SLC38A5: variants seen among roughly 807,000 people sequenced by gnomAD.
SLC38A5 encodes sodium-coupled neutral amino acid transporter 5.
In SLC38A5, 9 loss-of-function variants were observed where a neutral mutation model predicts 34.6. The ratio of observed to expected loss-of-function variants is 0.26; its 90% CI spans 0.16 to 0.45. The LOEUF (loss-of-function observed/expected upper bound fraction) is 0.45, where lower values mean the gene tolerates loss of function less well. Ranked by LOEUF, SLC38A5 falls within the 20% of genes least tolerant of loss-of-function variation. SLC38A5 has a pLI of 1.00. For synonymous variants in SLC38A5, 157 were observed against 155.6 expected, an observed-to-expected ratio of 1.01 and a Z score of -0.07; for missense variants, 253 against 394.7, an observed-to-expected ratio of 0.64 and a Z score of 3.04.
intron 12 of SLC38A5, 120 bp from the exon 13 acceptor site, chrX:48,461,206 C>T (rs2061431821): frequency 1.8e-6 from 1 of 568,687 alleles, no homozygotes; most frequent in African/African-American, 2.2e-5. Context: ...AGCTGGCACA[C>T]ATGGGGACAC....
At chrX:48,466,606 G>A (rs1270200983) in intron 6 of SLC38A5, among the ~76,000 whole-genome samples, 193 bp downstream of exon 6, 34 of 107,714 alleles carry the variant, frequency 3.2e-4, no homozygotes, top group Non-Finnish European at 4.6e-4. Context: ...GGACTGAGGG[G>A]TGGGGGTTAG....
At position 48,466,243 on chromosome X, in the gene SLC38A5, C is replaced by A; in HGVS notation, c.399G>T (p.Leu133=). The A allele has an allele frequency of 8.3e-7, 1 of 1,206,439 alleles. No homozygotes were observed. Among genetic ancestry groups the A allele is most frequent in the African/African-American group, 1.7e-5 (1 of 57,563 alleles). Residue 133 remains leucine, a synonymous_variant, in exon 7 of 17, where the codon CTG becomes CTT. Coordinates refer to ENST00000620913, the MANE Select transcript of SLC38A5 (RefSeq NM_033518.4). The stretch of plus-strand genomic sequence containing the variant: ...CAGAGTCCTCACCCCCAACATTGTG[C>A]AGACAGATGACTGTGGCCACCACTA... The part of the protein sequence containing the change: ...GKVVVATVIC[L]HNVGAMSSYL...
At chrX:48,460,608 C>T in intron 14 of SLC38A5, 41 bp downstream of exon 14, 1 of 1,162,457 alleles carries the variant, frequency 8.6e-7, no homozygotes, top group Non-Finnish European at 1.2e-6. Context: ...ATGCCCTCTA[C>T]CCATCCATCC....
Position 48,467,853 on chromosome X carries a change from C to T in SLC38A5, c.53+19G>A. On this transcript the variant is annotated intron_variant, in intron 3 of 16. Transcript: ENST00000620913. ...TGACCCCTGATCCCTGAGCCCACCT[C>T]CTTGGACCCCTGACTCACCCCACAG... 8.3e-7 allele frequency: 1 copy of T among 1,207,128 alleles called. No homozygotes were observed.
At chrX:48,460,787 C>T (rs1248562444) in intron 13 of SLC38A5, 23 bp from the exon 14 acceptor site, 5 of 1,187,089 alleles carry the variant, frequency 4.2e-6, no homozygotes, top group Middle Eastern at 2.3e-4. Context: ...ACAGAGGGTA[C>T]GGGATGCAGG....
At chrX:48,466,703 T>C in intron 6 of SLC38A5, 96 bp downstream of exon 6, 3 of 971,409 alleles carry the variant, frequency 3.1e-6, no homozygotes, top group Non-Finnish European at 4.3e-6. Context: ...GTCTGGGGTC[T>C]GGGGTCCAAG....
rs1602038446 is a variant in SLC38A5, at chrX:48,469,421, T to C, written c.-88A>G. The C allele has an allele frequency of 9.4e-6, 1 of 106,878 alleles. No individual in the cohort carries two copies. Among genetic ancestry groups the C allele is most frequent in the Non-Finnish European group, 1.9e-5 (1 of 52,780 alleles). The allele number at this position is 106,878 out of a possible 1,213,427, so 8.8% of individuals were successfully genotyped here. A position where few individuals can be genotyped will look rare whatever the true frequency, so the allele number is the denominator to read the frequency against. On this transcript the variant is annotated 5_prime_UTR_variant, in exon 2 of 17. Coordinates refer to ENST00000620913, the MANE Select transcript of SLC38A5 (RefSeq NM_033518.4). ...TGCCTAGGCTCCTGCTCTGGAGCGGTACTTTTTTTTTTTTCCTGAGAAGAA... is the reference window on the plus strand; with the variant it reads ...TGCCTAGGCTCCTGCTCTGGAGCGGCACTTTTTTTTTTTTCCTGAGAAGAA...
At chrX:48,466,193 T>TGC in intron 7 of SLC38A5, 37 bp downstream of exon 7, 1 of 895,219 alleles carries the variant, frequency 1.1e-6, no homozygotes, top group Non-Finnish European at 1.6e-6. Context: ...CTCCGCCCTC[T>TGC]CCCCCCAAGC....
In SLC38A5 at chrX:48,462,150, G is replaced by A; in HGVS notation, c.634-6C>T. The stretch of plus-strand genomic sequence containing the variant: ...TGGAACTTCTTGTAGATGACCTGAG[G>A]ATGGGGGCAGCAGGGAAGCCAGGTC... On this transcript the variant is annotated splice_region_variant and splice_polypyrimidine_tract_variant and intron_variant, in intron 10 of 16. Transcript: ENST00000620913. The A allele has an allele frequency of 8.3e-7, 1 of 1,209,039 alleles. No individual in the cohort carries two copies. Among genetic ancestry groups the A allele is most frequent in the Non-Finnish European group, 1.1e-6 (1 of 893,589 alleles).
Position 48,461,103 on chromosome X carries a change from G to A in SLC38A5, c.852-17C>T, listed in dbSNP as rs782805749. 2.8e-5 allele frequency: 33 copies of A among 1,181,738 alleles called. No individual in the cohort carries two copies. In the East Asian group the frequency reaches 4.8e-4, roughly 17 times the overall value. On this transcript the variant is annotated splice_polypyrimidine_tract_variant and intron_variant, in intron 12 of 16. Coordinates refer to ENST00000620913, the MANE Select transcript of SLC38A5 (RefSeq NM_033518.4). Reference sequence around the variant, plus strand: ...TTGGAGGGCCTGAGGTGTAGAGGTCGTGGAACTGTCATGCCCAGACCCTGA... The same window carrying A: ...TTGGAGGGCCTGAGGTGTAGAGGTCATGGAACTGTCATGCCCAGACCCTGA...
chrX:48,465,107 C>T lies in SLC38A5; in HGVS notation c.491+908G>A, dbSNP rs781967170. 4.5e-5 allele frequency among the ~76,000 whole-genome samples: 5 copies of T among 111,503 alleles called. No homozygotes were observed. In the East Asian group the frequency reaches 1.4e-3, roughly 31 times the overall value. ...TGAAACACACAGAGGCAGCTACACA[C>T]GTGCAGCTGGAGCACAAGCACTGCA... On this transcript the variant is annotated intron_variant, in intron 8 of 16. Transcript: ENST00000620913.
intron 2 of SLC38A5, 131 bp downstream of exon 2, chrX:48,469,204 T>C (rs545507014): frequency 9.3e-4 from 135 of 144,695 alleles, no homozygotes; most frequent in African/African-American, 4.1e-3. Flanking sequence ...GACCTCCCCA[T>C]ACACGCCATT....
intron 16 of SLC38A5, chrX:48,459,272 C>T: frequency 4.5e-6 from 2 of 440,516 alleles, no homozygotes; most frequent in Non-Finnish European, 7.7e-6. Flanking sequence ...CAGCTCTCTT[C>T]CCAATAGTGC....
rs368546312 is a variant in SLC38A5 at position 48,459,870 on chromosome X, G to T, written c.1075C>A (p.Arg359=). The T allele has an allele frequency of 1.1e-5, 13 of 1,207,490 alleles. No homozygotes were observed. The highest frequency in any genetic ancestry group is 3.5e-5 in the African/African-American group (2 of 57,715). ...GGGAAAAGCAGCTGCTGCAGGGCCC[G>T]GCGGATCTGTGGCCAGAGTAGGGTG... ...TVPVVLFPIR[R]ALQQLLFPGK... The change falls in exon 15 of 17, where the codon CGG becomes AGG. Residue 359 remains arginine, a synonymous_variant. Transcript: ENST00000620913.
chrX:48,460,895 T>G, intron 13 of SLC38A5, 91 bp downstream of exon 13: 1 of 1,013,754 alleles, frequency 9.9e-7, no homozygotes, highest in Non-Finnish European at 1.4e-6. Context: ...GTTTGGAAAC[T>G]GACAGGTCCG....
rs184775824 is a variant in SLC38A5 at position 48,462,353 on chromosome X, T to A, written c.575-62A>T. ...CAGGCGTGGTGGCTCACACCTATAA[T>A]CCTAGCGCTTTGGGAGGCCTAAGCG... On this transcript the variant is annotated intron_variant, in intron 9 of 16. Coordinates refer to ENST00000620913, the MANE Select transcript of SLC38A5 (RefSeq NM_033518.4). 9 of 1,119,372 alleles carry A rather than the reference T, an allele frequency of 8.0e-6. No individual in the cohort carries two copies. The East Asian group carries it at 2.9e-4, about 36-fold the overall frequency. 92.2% of individuals were successfully genotyped at this position (1,119,372 alleles called of 1,213,427 possible).
At chrX:48,463,348 AT>A (rs1258171747) in intron 8 of SLC38A5, among the ~76,000 whole-genome samples, 1 of 112,312 alleles carries the variant, frequency 8.9e-6, no homozygotes. Flanking sequence ...CACGCCTGTA[AT>A]CCCAGCACTT....
At chrX:48,468,023 C>A in intron 2 of SLC38A5, 98 bp from the exon 3 acceptor site, 2 of 863,608 alleles carry the variant, frequency 2.3e-6, no homozygotes, top group Admixed American at 5.9e-5. Flanking sequence ...CCCATAGAGA[C>A]CGATGGAAAG....
At chrX:48,464,365 C>T (rs2061460960) in intron 8 of SLC38A5, among the ~76,000 whole-genome samples, 1 of 112,763 alleles carries the variant, frequency 8.9e-6, no homozygotes, top group African/African-American at 3.2e-5. Context: ...TATACAGTTA[C>T]ACAGAAATAA....
Sources: gnomAD v4.1 joint callset for allele counts (sites outside exome capture counted in the v4.1 genomes callset) on GRCh38, gnomAD v4.1.1 for gene constraint, MANE v1.5 for transcripts, NCBI Gene and HGNC (gene_info 2026-07-23, HGNC 2026-07-21) for gene names.